The following CAND1 variants were observed in gnomAD, a reference collection of about 807,000 sequenced individuals.
CAND1 encodes cullin-associated NEDD8-dissociated protein 1.
In CAND1, 7 loss-of-function variants were observed where a neutral mutation model predicts 108.5. The ratio of observed to expected loss-of-function variants is 0.06; its 90% confidence interval spans 0.04 to 0.12. The LOEUF (loss-of-function observed/expected upper bound fraction) is 0.12. Ranked by LOEUF, CAND1 falls within the 10% of genes least tolerant of loss-of-function variation. The pLI, the probability that CAND1 is intolerant of heterozygous loss-of-function variation, is 1.00. For synonymous variants in CAND1, 534 were observed against 512.0 expected, an observed-to-expected ratio of 1.04 and a Z score of -0.58; for missense variants, 941 against 1,448.7, an observed-to-expected ratio of 0.65 and a Z score of 5.69.
In CAND1 at chr12:67,305,153, C is replaced by G. The variant is rs771093103; in HGVS notation, c.1485C>G (p.Ile495Met). The change falls in exon 10 of 15, where the codon ATC (isoleucine) becomes ATG (methionine). Residue 495 changes from isoleucine to methionine, a missense_variant. By Grantham distance (10) the Ile-to-Met change is conservative. Coordinates refer to ENST00000545606, the MANE Select transcript of CAND1 (RefSeq NM_018448.5). The surrounding 1 kb of genome is among the most constrained non-coding windows in gnomAD (Gnocchi z 4.4). The part of the protein sequence containing the change: ...NDKSSSSNLK[I>M]DALSCLYVIL... ...AATCAAGCTCATCGAATTTGAAGAT[C>G]GATGCTTTGTCATGTCTATACGTAA... The G allele has an allele frequency of 2.5e-6, 4 of 1,611,654 alleles. No homozygotes were observed. The highest frequency in any genetic ancestry group is 3.4e-6 in the Non-Finnish European group (4 of 1,179,182).
At chr12:67,302,641 A>C (rs1378489828) in intron 8 of CAND1, 26 bp downstream of exon 8, 2 of 1,582,186 alleles carry the variant, frequency 1.3e-6, no homozygotes, top group East Asian at 4.5e-5. Context: ...AAGTTTAGAA[A>C]ATCATGATAG....
At chr12:67,284,466 C>A (rs528668019) in intron 2 of CAND1, among the ~76,000 whole-genome samples, 6 of 152,056 alleles carry the variant, frequency 3.9e-5, no homozygotes, top group Non-Finnish European at 8.8e-5. Flanking sequence ...GTTGTCAAGA[C>A]ACTGATAAGA....
rs375833403 is a variant in CAND1 at position 67,310,238 on chromosome 12, C to T, written c.3282C>T (p.Asp1094=). 19 of 1,611,574 alleles carry T rather than the reference C, an allele frequency of 1.2e-5. No individual in the cohort carries two copies. The highest frequency in any genetic ancestry group is 5.0e-5 in the Admixed American group (3 of 59,950). Residue 1094 remains aspartate (D), a synonymous_variant, in exon 13 of 15, where the codon GAC becomes GAT. Transcript: ENST00000545606. ...AAFECMYTLL[D]SCLDRLDIFE... ...TTGAGTGTATGTACACACTTCTAGACAGTTGTCTTGATAGACTTGATATCT... is the reference window on the plus strand; with the variant it reads ...TTGAGTGTATGTACACACTTCTAGATAGTTGTCTTGATAGACTTGATATCT...
At position 67,306,533 on chromosome 12, in the gene CAND1, A is replaced by G. The variant is rs1170953919; in HGVS notation, c.2865A>G (p.Leu955=). 2 of 1,614,026 alleles carry G rather than the reference A, an allele frequency of 1.2e-6. No homozygotes were observed. The highest frequency in any genetic ancestry group is 1.7e-6 in the Non-Finnish European group (2 of 1,179,916). The change falls in exon 10 of 15, where the codon CTA becomes CTG. Residue 955 remains leucine, a synonymous_variant. Coordinates refer to ENST00000545606, the MANE Select transcript of CAND1 (RefSeq NM_018448.5). The stretch of plus-strand genomic sequence containing the variant: ...CCAGAAATGTTGTTGCTGAATGTCT[A>G]GGAAAACTCACTCTAATTGATCCAG... ...EGTRNVVAEC[L]GKLTLIDPET...
rs552674275 is a variant in CAND1 at position 67,304,872 on chromosome 12, A to G, written c.1435+126A>G. ...ACAACTTAATATGCACATAGAGCTAACTTTTTAATCTAACAATCTTGAATA... is the reference window on the plus strand; with the variant it reads ...ACAACTTAATATGCACATAGAGCTAGCTTTTTAATCTAACAATCTTGAATA... On this transcript the variant is annotated intron_variant, in intron 9 of 14. Transcript: ENST00000545606. The G allele has an allele frequency of 9.6e-5, 110 of 1,148,124 alleles. No homozygotes were observed. The East Asian group carries it at 1.4e-3, about 15-fold the overall frequency. 71.1% of individuals were successfully genotyped at this position (1,148,124 alleles called of 1,614,324 possible). A position where few individuals can be genotyped will look rare whatever the true frequency, so the allele number is the denominator to read the frequency against.
intron 2 of CAND1, among the ~76,000 whole-genome samples, chr12:67,287,199 GA>G (rs1030391836): frequency 6.6e-6 from 1 of 152,172 alleles, no homozygotes; most frequent in African/African-American, 2.4e-5. Context: ...GTAACAATCA[GA>G]AATGTCTCTT....
chr12:67,269,617 G>A lies in CAND1; in HGVS notation c.-101G>A. The A allele has an allele frequency of 1.9e-6, 2 of 1,043,460 alleles. No individual in the cohort carries two copies. Among genetic ancestry groups the A allele is most frequent in the Non-Finnish European group, 1.4e-6 (1 of 710,794 alleles). 64.6% of individuals were successfully genotyped at this position (1,043,460 alleles called of 1,614,324 possible). On this transcript the variant is annotated 5_prime_UTR_variant, in exon 1 of 15. Transcript: ENST00000545606. The stretch of plus-strand genomic sequence containing the variant: ...CGCTGCGACCCTGGAAGCGGGAGCC[G>A]CCGCGAGCGAGAGGAGGAGCTCCAG...
intron 2 of CAND1, among the ~76,000 whole-genome samples, chr12:67,286,305 C>G (rs2135999342): frequency 6.6e-6 from 1 of 152,310 alleles, no homozygotes; most frequent in Middle Eastern, 3.4e-3. Flanking sequence ...CCACCGCGCC[C>G]TGCCGTCTTT....
At chr12:67,298,525 G>A (rs1376194977) in intron 6 of CAND1, among the ~76,000 whole-genome samples, 2 of 152,066 alleles carry the variant, frequency 1.3e-5, no homozygotes, top group African/African-American at 4.8e-5. Context: ...TTTATTTGCT[G>A]GCCCTGTGGG....
intron 2 of CAND1, among the ~76,000 whole-genome samples, chr12:67,289,845 T>C (rs1313723220): frequency 6.6e-6 from 1 of 152,232 alleles, no homozygotes; most frequent in African/African-American, 2.4e-5. Flanking sequence ...TTTTTATCTT[T>C]TCTTTTAAAT....
intron 8 of CAND1, among the ~76,000 whole-genome samples, 170 bp downstream of exon 8, chr12:67,302,785 A>G (rs1393563082): frequency 1.3e-5 from 2 of 152,200 alleles, no homozygotes; most frequent in East Asian, 1.9e-4. Flanking sequence ...AACTATTCTA[A>G]TTGAATTATT....
intron 9 of CAND1, 81 bp downstream of exon 9, chr12:67,304,827 C>T (rs929319117): frequency 6.7e-7 from 1 of 1,501,668 alleles, no homozygotes; most frequent in Non-Finnish European, 9.0e-7. Flanking sequence ...TAATTGTTTC[C>T]TTTTAAAGGA....
At chr12:67,274,028 T>C (rs765120178) in intron 1 of CAND1, among the ~76,000 whole-genome samples, 4 of 152,148 alleles carry the variant, frequency 2.6e-5, no homozygotes, top group Non-Finnish European at 5.9e-5. Context: ...GTCTGGGACT[T>C]ATAGGATCTC....
rs1046184587 is a variant in CAND1, at chr12:67,317,968, G to A, written c.*5138G>A. ...CCCATTTACCCAGTCATTCAAACTG[G>A]AAATCTAAAAGCCTCACTTAGCAAG... On this transcript the variant is annotated 3_prime_UTR_variant, in exon 15 of 15. Coordinates refer to ENST00000545606, the MANE Select transcript of CAND1 (RefSeq NM_018448.5). 1 of 152,192 alleles carries A rather than the reference G, an allele frequency of 6.6e-6. No individual in the cohort carries two copies. The highest frequency in any genetic ancestry group is 1.5e-5 in the Non-Finnish European group (1 of 68,056). The allele number at this position is 152,192 out of a possible 1,614,324, so 9.4% of individuals were successfully genotyped here.
chr12:67,287,677 A>G (rs2044684302), intron 2 of CAND1, among the ~76,000 whole-genome samples: 1 of 151,932 alleles, frequency 6.6e-6, no homozygotes, highest in African/African-American at 2.4e-5. Context: ...TTGTCGGTTT[A>G]TTAATTTTGT....
chr12:67,298,883 A>G (rs1374054210), intron 6 of CAND1, 67 bp from the exon 7 acceptor site: 1 of 917,582 alleles, frequency 1.1e-6, no homozygotes, highest in Non-Finnish European at 1.8e-6. Flanking sequence ...ATAAAGCAAA[A>G]TGTGGCAGGT....
At position 67,316,384 on chromosome 12, in the gene CAND1, T is replaced by G. The variant is rs537977795; in HGVS notation, c.*3554T>G. 6.6e-6 allele frequency: 1 copy of G among 152,320 alleles called. No individual in the cohort carries two copies. Among genetic ancestry groups the G allele is most frequent in the South Asian group, 2.1e-4 (1 of 4,826 alleles). The allele number at this position is 152,320 out of a possible 1,614,324, so 9.4% of individuals were successfully genotyped here. A position where few individuals can be genotyped will look rare whatever the true frequency, so the allele number is the denominator to read the frequency against. On this transcript the variant is annotated 3_prime_UTR_variant, in exon 15 of 15. Transcript: ENST00000545606. ...GGAAATGCAAAATGAAATCATATGT[T>G]TTCCTTTTCCAATACAGTAAATTGC...
In CAND1 at chr12:67,315,500, C is replaced by T. The variant is rs1385867956; in HGVS notation, c.*2670C>T. The T allele has an allele frequency of 6.7e-6, 1 of 150,120 alleles. No homozygotes were observed. The highest frequency in any genetic ancestry group is 6.6e-5 in the Admixed American group (1 of 15,100). The allele number at this position is 150,120 out of a possible 1,614,324, so 9.3% of individuals were successfully genotyped here. A position where few individuals can be genotyped will look rare whatever the true frequency, so the allele number is the denominator to read the frequency against. On this transcript the variant is annotated 3_prime_UTR_variant, in exon 15 of 15. Transcript: ENST00000545606. ...GGAAGGAAATTTGGTATGGCAGGGC[C>T]TAACCTAAAAGGTTATTTATAAAAT...
At position 67,292,226 on chromosome 12, in the gene CAND1, TACTC is replaced by T. The variant is rs572788229; in HGVS notation, c.213-394_213-391del. Among the ~76,000 whole-genome samples, 769 of 152,216 alleles carry T rather than the reference TACTC, an allele frequency of 5.1e-3. 4 individuals carry two copies. Among genetic ancestry groups the T allele is most frequent in the Non-Finnish European group, 8.2e-3 (558 of 67,992 alleles). Reference sequence around the variant, plus strand: ...GGTGTTGTGCCCTTGTAGTCCTAGTTACTCAGGAGGCTGAAGTGGGAGGATTGCT... The same window carrying T: ...GGTGTTGTGCCCTTGTAGTCCTAGTTAGGAGGCTGAAGTGGGAGGATTGCT... On this transcript the variant is annotated intron_variant, in intron 2 of 14. Coordinates refer to ENST00000545606, the MANE Select transcript of CAND1 (RefSeq NM_018448.5).
Sources: gnomAD v4.1 joint callset for allele counts (sites outside exome capture counted in the v4.1 genomes callset) on GRCh38, gnomAD v4.1.1 for gene constraint, Gnocchi (gnomAD v3.1) non-coding constraint, MANE v1.5 for transcripts, NCBI Gene and HGNC (gene_info 2026-07-23, HGNC 2026-07-21) for gene names.